Variants in PHACTR1 observed in about 807,000 individuals in gnomAD.
The protein encoded by PHACTR1 is RPEL repeat containing 1.
PHACTR1 carries 16 observed loss-of-function variants against 69.2 expected under a neutral mutation model. That is an observed-to-expected ratio of 0.23 (90% CI 0.16 to 0.35). The LOEUF is 0.35. Among genes scored for constraint, PHACTR1 ranks in the 10% least tolerant of loss-of-function variants. The probability of loss-of-function intolerance (pLI) is 1.00; values close to 1 mark genes in which losing one functional copy is unlikely to be tolerated. For synonymous variants in PHACTR1, 312 were observed against 284.5 expected, an observed-to-expected ratio of 1.10 and a Z score of -0.97; for missense variants, 510 against 734.7, an observed-to-expected ratio of 0.69 and a Z score of 3.54.
chr6:12,788,959 C>T (rs6458461), intron 4 of PHACTR1, among the ~76,000 whole-genome samples: 67,223 of 152,032 alleles, frequency 0.44, 15,646 homozygotes, highest in African/African-American at 0.55. Context: ...AGAGAGTATT[C>T]GGAGAAGAAA....
chr6:13,129,947 C>T (rs1212925296), intron 5 of PHACTR1, among the ~76,000 whole-genome samples: 1 of 151,994 alleles, frequency 6.6e-6, no homozygotes, highest in Non-Finnish European at 1.5e-5. Context: ...GAAAGTACCC[C>T]AAGTATCCTC....
chr6:13,188,255 A>C (rs150185730), intron 7 of PHACTR1, among the ~76,000 whole-genome samples: 1 of 152,342 alleles, frequency 6.6e-6, no homozygotes, highest in African/African-American at 2.4e-5. Context: ...TTTGGGCTTA[A>C]ACTCAATTAG....
chr6:13,011,445 C>T (rs765041207), intron 4 of PHACTR1, among the ~76,000 whole-genome samples: 1 of 152,194 alleles, frequency 6.6e-6, no homozygotes, highest in Non-Finnish European at 1.5e-5. Context: ...AAACTTCATA[C>T]CTTTTATACA....
intron 3 of PHACTR1, among the ~76,000 whole-genome samples, chr6:12,737,660 T>C (rs1272500730): frequency 6.6e-6 from 1 of 151,850 alleles, no homozygotes; most frequent in Non-Finnish European, 1.5e-5. Flanking sequence ...AGTGGTATGA[T>C]GATGGCTCAC....
At chr6:12,726,137 T>C (rs1010121801) in intron 3 of PHACTR1, among the ~76,000 whole-genome samples, 22 of 152,264 alleles carry the variant, frequency 1.4e-4, no homozygotes, top group African/African-American at 5.3e-4. Flanking sequence ...AAGAAGAAAT[T>C]AAACAAAAGT....
At chr6:12,751,295 C>A (rs1382830604) in intron 4 of PHACTR1, among the ~76,000 whole-genome samples, 1 of 152,154 alleles carries the variant, frequency 6.6e-6, no homozygotes, top group Non-Finnish European at 1.5e-5. Context: ...ATTTAGAAAG[C>A]TTTGGCATTT....
chr6:12,895,250 C>T (rs1324362140), intron 4 of PHACTR1, among the ~76,000 whole-genome samples: 6 of 143,540 alleles, frequency 4.2e-5, no homozygotes, highest in Non-Finnish European at 3.0e-5. Context: ...GGCATGATCT[C>T]GGCAAACTGC....
rs1191261419 is a variant in PHACTR1, at chr6:12,718,816, T to G, written c.72T>G (p.Ala24=). 1 of 1,571,960 alleles carries G rather than the reference T, an allele frequency of 6.4e-7. No homozygotes were observed. The highest frequency in any genetic ancestry group is 1.2e-5 in the South Asian group (1 of 85,130). Residue 24 remains alanine, a synonymous_variant, in exon 3 of 15, where the codon GCT becomes GCG. Transcript: ENST00000332995. ...SAHRLLDVES[A]QRFFYSQGAQ... The stretch of plus-strand genomic sequence containing the variant: ...ACAGACTCTTGGATGTTGAGTCAGC[T>G]CAAAGATTCTTCTACAGTCAAGGAG...
intron 4 of PHACTR1, among the ~76,000 whole-genome samples, chr6:13,028,085 A>G (rs957396274): frequency 6.6e-6 from 1 of 152,228 alleles, no homozygotes; most frequent in African/African-American, 2.4e-5. Context: ...CTCTAAGAAC[A>G]GGGTATAGAT....
intron 5 of PHACTR1, among the ~76,000 whole-genome samples, chr6:13,057,320 G>A (rs572207059): frequency 7.1e-4 from 108 of 152,296 alleles, no homozygotes; most frequent in African/African-American, 2.4e-3. Context: ...GGGAGGCTGA[G>A]TAGAGCTTGG....
At chr6:13,018,405 G>A (rs1178095946) in intron 4 of PHACTR1, among the ~76,000 whole-genome samples, 1 of 152,104 alleles carries the variant, frequency 6.6e-6, no homozygotes, top group Non-Finnish European at 1.5e-5. Context: ...GGTGATTTGG[G>A]AATATTACTA....
intron 4 of PHACTR1, among the ~76,000 whole-genome samples, chr6:13,016,323 C>A (rs1391411552): frequency 6.6e-6 from 1 of 152,216 alleles, no homozygotes; most frequent in Non-Finnish European, 1.5e-5. Flanking sequence ...TGTCCAGTAC[C>A]AGAAGTGTGC....
chr6:13,240,415 G>T (rs1355231636), intron 10 of PHACTR1, among the ~76,000 whole-genome samples: 5 of 151,584 alleles, frequency 3.3e-5, no homozygotes, highest in Non-Finnish European at 5.9e-5. Context: ...GATATTCGTT[G>T]TGGGTTTTTT....
At chr6:12,752,893 C>A (rs1406729642) in intron 4 of PHACTR1, among the ~76,000 whole-genome samples, 1 of 152,208 alleles carries the variant, frequency 6.6e-6, no homozygotes, top group African/African-American at 2.4e-5. Context: ...GCATAGATAA[C>A]AGAAATTTTC....
At chr6:12,837,875 A>G (rs1301965905) in intron 4 of PHACTR1, among the ~76,000 whole-genome samples, 2 of 152,248 alleles carry the variant, frequency 1.3e-5, no homozygotes, top group Non-Finnish European at 2.9e-5. Context: ...CAACATATTT[A>G]TCACCTCACA....
At chr6:12,850,110 G>A (rs779670203) in intron 4 of PHACTR1, among the ~76,000 whole-genome samples, 6 of 152,260 alleles carry the variant, frequency 3.9e-5, no homozygotes, top group South Asian at 2.1e-4. Context: ...ACTTGGAATC[G>A]TCATGAATTC....
At chr6:12,813,063 GT>G (rs1195450886) in intron 4 of PHACTR1, among the ~76,000 whole-genome samples, 1 of 152,122 alleles carries the variant, frequency 6.6e-6, no homozygotes, top group Non-Finnish European at 1.5e-5. Context: ...CTAGGAGATA[GT>G]AAAAACAATT....
At position 13,098,441 on chromosome 6, in the gene PHACTR1, T is replaced by A. The variant is rs146046163; in HGVS notation, c.415+44912T>A. ...GCCTTCGCTTTGGGACTCCCTCTTT[T>A]GAGGATTTTCATCACACACTTGGCT... On this transcript the variant is annotated intron_variant, in intron 5 of 14. Transcript: ENST00000332995. 4.8e-3 allele frequency among the ~76,000 whole-genome samples: 726 copies of A among 152,298 alleles called. 2 individuals are homozygous for A. Among genetic ancestry groups the A allele is most frequent in the Middle Eastern group, 0.01 (3 of 294 alleles).
intron 7 of PHACTR1, among the ~76,000 whole-genome samples, chr6:13,202,481 C>CTTTT (rs1164105884): frequency 3.1e-5 from 4 of 129,960 alleles, no homozygotes; most frequent in Admixed American, 7.9e-5. Flanking sequence ...TGCACTGAAG[C>CTTTT]TTTTTTTTTT....
Sources: gnomAD v4.1 joint callset for allele counts (sites outside exome capture counted in the v4.1 genomes callset) on GRCh38, gnomAD v4.1.1 for gene constraint, MANE v1.5 for transcripts, NCBI Gene and HGNC (gene_info 2026-07-23, HGNC 2026-07-21) for gene names.